The following KCNH7 variants were observed in gnomAD, a reference collection of about 807,000 sequenced individuals.
The protein encoded by KCNH7 is potassium voltage-gated channel subfamily H member 7.
KCNH7 carries 49 observed loss-of-function variants against 120.8 expected under a neutral mutation model. The observed-to-expected ratio is 0.41, with a 90% CI of 0.32 to 0.51. The LOEUF is 0.51. Among genes scored for constraint, KCNH7 ranks in the 20% least tolerant of loss-of-function variants. The pLI is 0.38. For missense variants in KCNH7, 1,097 were observed against 1,446.6 expected, an observed-to-expected ratio of 0.76 and a Z score of 3.92; for synonymous variants, 547 against 516.1, an observed-to-expected ratio of 1.06 and a Z score of -0.81.
intron 9 of KCNH7, among the ~76,000 whole-genome samples, chr2:162,401,376 T>C (rs972543012): frequency 1.3e-5 from 2 of 151,936 alleles, no homozygotes; most frequent in Admixed American, 6.6e-5. Context: ...AGCAGACTCA[T>C]TTAAATACAC....
chr2:162,783,535 G>T (rs555538744), intron 2 of KCNH7, among the ~76,000 whole-genome samples: 39 of 152,288 alleles, frequency 2.6e-4, no homozygotes, highest in African/African-American at 8.7e-4. Context: ...TGGTTTTATA[G>T]CTTGATCCAA....
intron 3 of KCNH7, among the ~76,000 whole-genome samples, chr2:162,526,027 A>C (rs894372513): frequency 1.1e-4 from 16 of 152,046 alleles, no homozygotes; most frequent in African/African-American, 3.9e-4. Context: ...ATTTTCCCTA[A>C]GTGTCGGCCA....
At chr2:162,698,387 A>C (rs1166396114) in intron 2 of KCNH7, among the ~76,000 whole-genome samples, 1 of 151,616 alleles carries the variant, frequency 6.6e-6, no homozygotes, top group African/African-American at 2.4e-5. Context: ...GGGTCAGTGA[A>C]TGTATATTTT....
chr2:162,462,045 A>G (rs1244144425), intron 6 of KCNH7, among the ~76,000 whole-genome samples: 1 of 152,130 alleles, frequency 6.6e-6, no homozygotes, highest in East Asian at 1.9e-4. Context: ...GTGGCAAAAT[A>G]AGATTCATAT....
At chr2:162,472,246 A>C (rs867071349) in intron 6 of KCNH7, among the ~76,000 whole-genome samples, 17 of 152,234 alleles carry the variant, frequency 1.1e-4, no homozygotes, top group Admixed American at 4.6e-4. Flanking sequence ...ATGGGATCTA[A>C]TTAAACTAAA....
chr2:162,542,972 T>A (rs1692363371), intron 2 of KCNH7, among the ~76,000 whole-genome samples: 1 of 152,054 alleles, frequency 6.6e-6, no homozygotes, highest in Admixed American at 6.6e-5. Context: ...TTAACAAAAA[T>A]AAATGGGATA....
chr2:162,678,894 A>G (rs913457619), intron 2 of KCNH7, among the ~76,000 whole-genome samples: 5 of 151,648 alleles, frequency 3.3e-5, no homozygotes, highest in Admixed American at 6.6e-5. Flanking sequence ...GAGATTGAAT[A>G]AAGATCATGA....
intron 2 of KCNH7, among the ~76,000 whole-genome samples, chr2:162,561,149 A>C (rs1256661335): frequency 6.6e-6 from 1 of 151,902 alleles, no homozygotes; most frequent in Non-Finnish European, 1.5e-5. Context: ...GAAATCTGAA[A>C]TTTTTGTTTA....
chr2:162,591,792 T>C (rs2105934608), intron 2 of KCNH7, among the ~76,000 whole-genome samples: 1 of 152,250 alleles, frequency 6.6e-6, no homozygotes. Flanking sequence ...TTTCTGTGTT[T>C]TTAAAATTTA....
intron 9 of KCNH7, among the ~76,000 whole-genome samples, chr2:162,422,944 T>G (rs986240431): frequency 6.6e-6 from 1 of 152,172 alleles, no homozygotes; most frequent in African/African-American, 2.4e-5. Flanking sequence ...GATCTCTGTT[T>G]GGGGGCATCA....
rs113071562 is a variant in KCNH7 at position 162,774,356 on chromosome 2, T to C, written c.307+62181A>G. ...ATGGGTCAGAAGTGGAGAGATCTTA[T>C]ATCCTCAACAGGGAAGGGAGAGAAA... On this transcript the variant is annotated intron_variant, in intron 2 of 15. Transcript: ENST00000332142. Among the ~76,000 whole-genome samples, 95 of 152,312 alleles carry C rather than the reference T, an allele frequency of 6.2e-4. 1 individual carries two copies. Among genetic ancestry groups the C allele is most frequent in the African/African-American group, 2.3e-3 (94 of 41,584 alleles).
At chr2:162,633,437 C>T (rs544147180) in intron 2 of KCNH7, among the ~76,000 whole-genome samples, 79 of 151,980 alleles carry the variant, frequency 5.2e-4, no homozygotes, top group African/African-American at 1.8e-3. Flanking sequence ...TAATTTTGTT[C>T]ATACGTTAAT....
chr2:162,546,581 C>A (rs1375263272), intron 2 of KCNH7, among the ~76,000 whole-genome samples: 1 of 152,118 alleles, frequency 6.6e-6, no homozygotes, highest in East Asian at 1.9e-4. Flanking sequence ...GTGTGGATGT[C>A]ATTTCTAACT....
chr2:162,592,487 T>G (rs1451848397), intron 2 of KCNH7, among the ~76,000 whole-genome samples: 4 of 151,986 alleles, frequency 2.6e-5, no homozygotes, highest in Non-Finnish European at 5.9e-5. Context: ...TGAAGCACTT[T>G]GAGAAAATGG....
In KCNH7 at chr2:162,414,258, T is replaced by A. The variant is rs139137855; in HGVS notation, c.2154+9078A>T. On this transcript the variant is annotated intron_variant, in intron 9 of 15. Transcript: ENST00000332142. ...TAATCTTTAACTCAAAAATCCCTTA[T>A]CTGAGAATCTACCCATAAATATAAA... Among the ~76,000 whole-genome samples the A allele has an allele frequency of 3.1e-3, 474 of 152,100 alleles. 3 individuals carry two copies. The highest frequency in any genetic ancestry group is 5.1e-3 in the Non-Finnish European group (346 of 67,906).
chr2:162,735,509 T>C (rs1228381285), intron 2 of KCNH7, among the ~76,000 whole-genome samples: 1 of 152,202 alleles, frequency 6.6e-6, no homozygotes, highest in African/African-American at 2.4e-5. Context: ...ATGTCACTAT[T>C]GCAAACTTTA....
chr2:162,742,870 T>C (rs766363116), intron 2 of KCNH7, among the ~76,000 whole-genome samples: 3 of 152,318 alleles, frequency 2.0e-5, no homozygotes, highest in Non-Finnish European at 2.9e-5. Flanking sequence ...ATTTTTTTTG[T>C]TTTCTTTTGT....
intron 2 of KCNH7, among the ~76,000 whole-genome samples, chr2:162,606,503 A>T (rs985411207): frequency 2.0e-5 from 3 of 152,158 alleles, no homozygotes; most frequent in Non-Finnish European, 4.4e-5. Flanking sequence ...ATTTTATTCA[A>T]CTCGCTGTTT....
chr2:162,727,729 T>C (rs1016494934), intron 2 of KCNH7, among the ~76,000 whole-genome samples: 1 of 152,206 alleles, frequency 6.6e-6, no homozygotes, highest in African/African-American at 2.4e-5. Flanking sequence ...TACTTTCTTG[T>C]TGATGAACAC....
Sources: allele counts gnomAD v4.1 joint callset (sites outside exome capture counted in the v4.1 genomes callset), GRCh38; gene constraint gnomAD v4.1.1; transcripts MANE v1.5; gene names NCBI Gene and HGNC (gene_info 2026-07-23, HGNC 2026-07-21).